Variants in TTLL5 observed in about 807,000 individuals in gnomAD.
TTLL5 encodes the protein tubulin tyrosine ligase like 5.
In TTLL5, 132 loss-of-function variants were observed where a neutral mutation model predicts 168.4. The ratio of observed to expected loss-of-function variants is 0.78; its 90% CI spans 0.68 to 0.91. TTLL5 has a LOEUF of 0.91. TTLL5 is among the 40% of genes least tolerant of loss of function. The pLI is 0.00. For synonymous variants in TTLL5, 546 were observed against 558.6 expected (o/e 0.98, Z 0.32); for missense variants, 1,545 against 1,581.5 (o/e 0.98, Z 0.39).
At chr14:75,764,040 G>C (rs1408386369) in intron 18 of TTLL5, among the ~76,000 whole-genome samples, 1 of 152,096 alleles carries the variant, frequency 6.6e-6, no homozygotes, top group Non-Finnish European at 1.5e-5. Context: ...GACTTGGTGA[G>C]TCCCTAGGGC....
chr14:75,662,952 GA>G (rs1474462714), intron 1 of TTLL5, 102 bp from the exon 2 acceptor site: 1 of 677,446 alleles, frequency 1.5e-6, no homozygotes, highest in East Asian at 2.7e-5. Context: ...CACTGTTTAG[GA>G]ATATAGTCAT....
At chr14:75,665,722 G>T (rs1034574860) in intron 2 of TTLL5, among the ~76,000 whole-genome samples, 1 of 152,078 alleles carries the variant, frequency 6.6e-6, no homozygotes, top group Non-Finnish European at 1.5e-5. Flanking sequence ...GCCGGGTGTG[G>T]TTGTGGGTAA....
At chr14:75,668,724 T>A (rs975025675) in intron 2 of TTLL5, among the ~76,000 whole-genome samples, 47 of 152,240 alleles carry the variant, frequency 3.1e-4, no homozygotes, top group Non-Finnish European at 7.3e-5. Flanking sequence ...AGTTCCTAGT[T>A]CAGAGTCTTA....
intron 31 of TTLL5, among the ~76,000 whole-genome samples, chr14:75,912,482 A>G (rs1359598825): frequency 2.6e-5 from 4 of 152,232 alleles, no homozygotes; most frequent in African/African-American, 9.6e-5. Flanking sequence ...CACATGCAAT[A>G]AAATAACAAG....
chr14:75,758,484 C>T (rs527696687), intron 18 of TTLL5, among the ~76,000 whole-genome samples: 1 of 152,002 alleles, frequency 6.6e-6, no homozygotes, highest in Non-Finnish European at 1.5e-5. Flanking sequence ...CTGCTGTTAA[C>T]TTGGAAATTG....
chr14:75,847,330 C>A (rs2139872271), intron 28 of TTLL5, among the ~76,000 whole-genome samples: 1 of 152,068 alleles, frequency 6.6e-6, no homozygotes, highest in Middle Eastern at 3.4e-3. Flanking sequence ...CACATTAATA[C>A]CAAAGCTGAT....
At chr14:75,820,473 T>C in intron 28 of TTLL5, 1 of 224,884 alleles carries the variant, frequency 4.4e-6, no homozygotes, top group Non-Finnish European at 8.6e-6. Context: ...TTTTGCACTT[T>C]GTCCTTGTCT....
chr14:75,925,207 C>T (rs1174782632), intron 31 of TTLL5, among the ~76,000 whole-genome samples: 12 of 147,550 alleles, frequency 8.1e-5, no homozygotes, highest in African/African-American at 2.3e-4. Context: ...ACCTCCCTCC[C>T]GGACGGGGCG....
chr14:75,688,377 G>T (rs889944857), intron 5 of TTLL5, among the ~76,000 whole-genome samples: 1 of 152,204 alleles, frequency 6.6e-6, no homozygotes, highest in Non-Finnish European at 1.5e-5. Flanking sequence ...CCAGTAGTGT[G>T]CCTGGAGATC....
At chr14:75,818,654 ATTTTTT>A in intron 27 of TTLL5, 1 of 142,956 alleles carries the variant, frequency 7.0e-6, no homozygotes, top group Non-Finnish European at 1.4e-5. Context: ...CGCCTGGCTA[ATTTTTT>A]TTTTTTTTTT....
At chr14:75,868,097 T>G (rs890440215) in intron 29 of TTLL5, among the ~76,000 whole-genome samples, 1 of 152,136 alleles carries the variant, frequency 6.6e-6, no homozygotes, top group Non-Finnish European at 1.5e-5. Flanking sequence ...ATGTTATTCT[T>G]GGCGCAGGAC....
intron 17 of TTLL5, among the ~76,000 whole-genome samples, 158 bp downstream of exon 17, chr14:75,745,739 A>G (rs946234860): frequency 6.6e-6 from 1 of 151,992 alleles, no homozygotes; most frequent in Non-Finnish European, 1.5e-5. Flanking sequence ...TAGATTATTG[A>G]CAGTAATTTA....
intron 28 of TTLL5, among the ~76,000 whole-genome samples, chr14:75,847,176 G>GT (rs1896593917): frequency 6.6e-6 from 1 of 151,806 alleles, no homozygotes; most frequent in African/African-American, 2.4e-5. Context: ...TAATTTTTGT[G>GT]TTTTTTAGTA....
intron 18 of TTLL5, 145 bp downstream of exon 18, chr14:75,753,100 A>G (rs1456987768): frequency 4.4e-6 from 3 of 675,404 alleles, no homozygotes; most frequent in East Asian, 5.4e-5. Flanking sequence ...TGCTATCATG[A>G]CTCATTTTTC....
chr14:75,688,844 T>C (rs1885251138), intron 5 of TTLL5, among the ~76,000 whole-genome samples: 1 of 152,220 alleles, frequency 6.6e-6, no homozygotes. Context: ...TCTCAGAATA[T>C]AGCAGGAGAA....
intron 27 of TTLL5, among the ~76,000 whole-genome samples, chr14:75,818,057 C>T (rs986698082): frequency 6.6e-6 from 1 of 151,862 alleles, no homozygotes; most frequent in African/African-American, 2.4e-5. Context: ...CCAGGATGAT[C>T]TCGATCTCCT....
chr14:75,737,404 A>T (rs967889), intron 15 of TTLL5, among the ~76,000 whole-genome samples: 133,814 of 152,202 alleles, frequency 0.88, 59,195 homozygotes, highest in Admixed American at 0.92. Flanking sequence ...GTGTGAAAGA[A>T]AATAAATGTT....
chr14:75,946,435 A>T (rs771485890), intron 31 of TTLL5, among the ~76,000 whole-genome samples: 1 of 152,264 alleles, frequency 6.6e-6, no homozygotes, highest in African/African-American at 2.4e-5. Flanking sequence ...ATCCACAAGG[A>T]GGAAAAGGAA....
At chr14:75,868,649 T>A (rs2030738101) in intron 29 of TTLL5, among the ~76,000 whole-genome samples, 1 of 152,228 alleles carries the variant, frequency 6.6e-6, no homozygotes, top group African/African-American at 2.4e-5. Context: ...TAATGCTGTG[T>A]GTGTATATAC....
Sources: gnomAD v4.1 joint callset for allele counts (sites outside exome capture counted in the v4.1 genomes callset) on GRCh38, gnomAD v4.1.1 for gene constraint, MANE v1.5 for transcripts, NCBI Gene and HGNC (gene_info 2026-07-23, HGNC 2026-07-21) for gene names.